TYW1: variants seen among roughly 807,000 people sequenced by gnomAD.
TYW1 encodes the protein S-adenosyl-L-methionine-dependent tRNA 4-demethylwyosine synthase TYW1.
In TYW1, 46 loss-of-function variants were observed where a neutral mutation model predicts 96.2. The observed-to-expected ratio is 0.48, with a 90% CI of 0.38 to 0.61. The LOEUF is 0.61. Ranked by LOEUF, TYW1 falls within the 20% of genes least tolerant of loss-of-function variation. The pLI is 0.00. For missense variants in TYW1, 684 were observed against 909.6 expected (o/e 0.75, Z 3.19); for synonymous variants, 274 against 323.0 (o/e 0.85, Z 1.63).
intron 7 of TYW1, among the ~76,000 whole-genome samples, chr7:67,037,419 C>T (rs1250976463): frequency 2.0e-5 from 3 of 151,308 alleles, no homozygotes; most frequent in African/African-American, 7.3e-5. Flanking sequence ...CAGGAGAATC[C>T]CTTGAACCCA....
chr7:67,196,500 T>C (rs1486485740), intron 15 of TYW1, among the ~76,000 whole-genome samples: 5 of 152,210 alleles, frequency 3.3e-5, no homozygotes, highest in African/African-American at 9.6e-5. Context: ...AGATTATTTC[T>C]AGAAATCAAG....
At chr7:67,016,878 G>A (rs1433517434) in intron 5 of TYW1, among the ~76,000 whole-genome samples, 1 of 151,896 alleles carries the variant, frequency 6.6e-6, no homozygotes, top group Admixed American at 6.6e-5. Flanking sequence ...TCTCACCCCG[G>A]TCTCCCAAGG....
chr7:67,180,632 CATTTATTT>C (rs375057980), intron 13 of TYW1, among the ~76,000 whole-genome samples: 31 of 147,500 alleles, frequency 2.1e-4, no homozygotes, highest in Admixed American at 1.7e-3. Flanking sequence ...AATAGAAATG[CATTTATTT>C]ATTTATTTAT....
chr7:67,141,524 A>G (rs1028791865), intron 13 of TYW1, among the ~76,000 whole-genome samples: 8 of 152,270 alleles, frequency 5.3e-5, no homozygotes, highest in African/African-American at 1.9e-4. Flanking sequence ...AAGTGTTCAG[A>G]CATTTTTACA....
chr7:67,098,659 C>T lies in TYW1; in HGVS notation c.1503C>T (p.Leu501=), dbSNP rs772433707. The T allele has an allele frequency of 1.9e-6, 3 of 1,614,120 alleles. No homozygotes were observed. The highest frequency in any genetic ancestry group is 2.5e-6 in the Non-Finnish European group (3 of 1,180,006). ...AGATCAACAGGTTTTTGAAGCTACTCCACCAGTGTAAAATTTCCAGCTTCC... is the reference window on the plus strand; with the variant it reads ...AGATCAACAGGTTTTTGAAGCTACTTCACCAGTGTAAAATTTCCAGCTTCC... The part of the protein sequence containing the change: ...YPEINRFLKL[L]HQCKISSFLV... The change falls in exon 12 of 16, where the codon CTC becomes CTT. Residue 501 remains leucine, a synonymous_variant. Transcript: ENST00000359626.
At chr7:66,997,469 C>T (rs1261122609) in intron 1 of TYW1, among the ~76,000 whole-genome samples, 2 of 152,196 alleles carry the variant, frequency 1.3e-5, no homozygotes, top group Non-Finnish European at 2.9e-5. Context: ...AAATTAATTT[C>T]ACATGAAGTA....
At chr7:67,010,393 G>A (rs1274760680) in intron 4 of TYW1, among the ~76,000 whole-genome samples, 5 of 151,682 alleles carry the variant, frequency 3.3e-5, no homozygotes, top group Admixed American at 1.3e-4. Context: ...TCAACCTCCC[G>A]GGCTCAAGTG....
intron 15 of TYW1, among the ~76,000 whole-genome samples, chr7:67,216,526 C>A (rs1801201701): frequency 6.9e-6 from 1 of 145,820 alleles, no homozygotes; most frequent in Non-Finnish European, 1.5e-5. Flanking sequence ...TTACAAAGAA[C>A]CAGCATTTGG....
chr7:67,134,964 A>G (rs1798198264), intron 13 of TYW1, among the ~76,000 whole-genome samples: 2 of 149,540 alleles, frequency 1.3e-5, no homozygotes, highest in African/African-American at 4.9e-5. Context: ...AAAAAAAAAA[A>G]AAAAAAATCA....
chr7:66,998,917 T>G lies in TYW1; in HGVS notation c.236T>G (p.Val79Gly). The change falls in exon 3 of 16, where the codon GTG (valine) becomes GGG (glycine). Residue 79 changes from valine (V) to glycine (G), a missense_variant. Physicochemically the swap from Val to Gly is moderately radical, Grantham distance 109. Coordinates refer to ENST00000359626, the MANE Select transcript of TYW1 (RefSeq NM_018264.4). ...LQEKDIFVSG[V>G]KIFYGSQTGT... ...GAGAAAGACATCTTTGTGTCTGGAG[T>G]GAAGATTTTTTATGGTTCTCAGACT... is the stretch of plus-strand genomic sequence containing the variant. 1 of 1,614,008 alleles carries G rather than the reference T, an allele frequency of 6.2e-7. No individual in the cohort carries two copies. Among genetic ancestry groups the G allele is most frequent in the Non-Finnish European group, 8.5e-7 (1 of 1,179,994 alleles).
chr7:67,056,355 G>A (rs1441035350), intron 9 of TYW1, among the ~76,000 whole-genome samples: 2 of 152,088 alleles, frequency 1.3e-5, no homozygotes, highest in African/African-American at 4.8e-5. Context: ...AGTCAGGTGT[G>A]GTGGTGGGCG....
At chr7:67,217,879 A>T (rs549125804) in intron 15 of TYW1, among the ~76,000 whole-genome samples, 3 of 96,094 alleles carry the variant, frequency 3.1e-5, no homozygotes, top group Admixed American at 1.3e-4. Flanking sequence ...TTTTTGAGAC[A>T]GAGTTTTTCA....
Position 67,234,128 on chromosome 7 carries a change from C to G in TYW1, c.1978-4180C>G, listed in dbSNP as rs200361712. 2.4e-3 allele frequency among the ~76,000 whole-genome samples: 328 copies of G among 134,614 alleles called. 24 individuals are homozygous for G. The East Asian group carries it at 0.063, about 26-fold the overall frequency. The allele number at this position is 134,614 out of a possible 152,430, so 88.3% of individuals were successfully genotyped here. On this transcript the variant is annotated intron_variant, in intron 15 of 15. Coordinates refer to ENST00000359626, the MANE Select transcript of TYW1 (RefSeq NM_018264.4). ...TTGGGAGATCAAGGTGGGAGGATCA[C>G]TTGAGGCCAGGAGTTCAAGAGCAGC...
chr7:67,215,662 A>AT (rs1801177494), intron 15 of TYW1, among the ~76,000 whole-genome samples: 2 of 151,888 alleles, frequency 1.3e-5, no homozygotes, highest in Admixed American at 6.6e-5. Flanking sequence ...GATAGAACTA[A>AT]TAGGGGAGTT....
chr7:67,164,426 A>G (rs1381451004), intron 13 of TYW1, among the ~76,000 whole-genome samples: 1 of 150,208 alleles, frequency 6.7e-6, no homozygotes, highest in Non-Finnish European at 1.5e-5. Context: ...CCTGGGCAAC[A>G]TAGCGAAACA....
intron 13 of TYW1, among the ~76,000 whole-genome samples, chr7:67,154,604 G>A (rs1470910718): frequency 6.6e-6 from 1 of 152,136 alleles, no homozygotes; most frequent in Non-Finnish European, 1.5e-5. Context: ...CACTCTTGCT[G>A]TTTTTAGAAT....
chr7:67,121,797 T>C (rs1584588256), intron 13 of TYW1, among the ~76,000 whole-genome samples: 1 of 151,262 alleles, frequency 6.6e-6, no homozygotes, highest in African/African-American at 2.4e-5. Context: ...AGGTAGCATA[T>C]TTTGTTTTTA....
chr7:67,236,378 T>C (rs1401547406), intron 15 of TYW1, among the ~76,000 whole-genome samples: 1 of 152,232 alleles, frequency 6.6e-6, no homozygotes, highest in African/African-American at 2.4e-5. Context: ...AGACAGTGGC[T>C]GTGGCCCAGA....
In TYW1 at chr7:67,180,349, A is replaced by G. The variant is rs1414622938; in HGVS notation, c.1699-2777A>G. ...GATTCATTCTGGCCCCCGTGTCCAC[A>G]TTTAACTCACTACCGTATCCTTGGA... On this transcript the variant is annotated intron_variant, in intron 13 of 15. Transcript: ENST00000359626. Among the ~76,000 whole-genome samples the G allele has an allele frequency of 1.9e-5, 2 of 106,954 alleles. 1 individual carries two copies. The highest frequency in any genetic ancestry group is 8.5e-5 in the African/African-American group (2 of 23,600). The allele number at this position is 106,954 out of a possible 152,430, so 70.2% of individuals were successfully genotyped here. A position where few individuals can be genotyped will look rare whatever the true frequency, so the allele number is the denominator to read the frequency against.
Sources: allele counts gnomAD v4.1 joint callset (sites outside exome capture counted in the v4.1 genomes callset), GRCh38; gene constraint gnomAD v4.1.1; transcripts MANE v1.5; gene names NCBI Gene and HGNC (gene_info 2026-07-23, HGNC 2026-07-21).